ACADSB: variants seen among roughly 807,000 people sequenced by gnomAD.
ACADSB encodes the protein short/branched chain specific acyl-CoA dehydrogenase, mitochondrial.
ACADSB carries 40 observed loss-of-function variants against 54.1 expected under a neutral mutation model. The observed-to-expected ratio is 0.74, with a 90% CI of 0.57 to 0.96. ACADSB has a LOEUF of 0.96. ACADSB is among the 40% of genes least tolerant of loss of function. The pLI is 0.00. For missense variants in ACADSB, 530 were observed against 510.4 expected, an observed-to-expected ratio of 1.04 and a Z score of -0.37; for synonymous variants, 182 against 182.8, an observed-to-expected ratio of 1.00 and a Z score of 0.03.
intron 1 of ACADSB, among the ~76,000 whole-genome samples, chr10:123,027,382 C>T (rs1399217589): frequency 6.6e-6 from 1 of 152,144 alleles, no homozygotes; most frequent in Non-Finnish European, 1.5e-5. Context: ...CTAGAATTCT[C>T]GCATGTTGTG....
At chr10:123,039,523 A>T (rs1230845202) in intron 3 of ACADSB, among the ~76,000 whole-genome samples, 4 of 152,222 alleles carry the variant, frequency 2.6e-5, no homozygotes, top group Non-Finnish European at 5.9e-5. Context: ...CGTGTTTACC[A>T]GGCCCTCGTG....
At chr10:123,017,509 G>A (rs1850123319) in intron 1 of ACADSB, among the ~76,000 whole-genome samples, 1 of 152,136 alleles carries the variant, frequency 6.6e-6, no homozygotes, top group Non-Finnish European at 1.5e-5. Context: ...GTAGAGACAG[G>A]ATTTTACCAT....
At chr10:123,033,254 T>G (rs1850352515) in intron 1 of ACADSB, among the ~76,000 whole-genome samples, 1 of 152,194 alleles carries the variant, frequency 6.6e-6, no homozygotes, top group African/African-American at 2.4e-5. Context: ...CTGGCCAGTG[T>G]TTCTTGTTCC....
At chr10:123,017,088 A>G (rs568928270) in intron 1 of ACADSB, among the ~76,000 whole-genome samples, 1 of 152,274 alleles carries the variant, frequency 6.6e-6, no homozygotes, top group African/African-American at 2.4e-5. Flanking sequence ...ATCTTCCCTG[A>G]AAAAGAGGGT....
intron 8 of ACADSB, among the ~76,000 whole-genome samples, chr10:123,050,087 T>C (rs955404862): frequency 6.6e-6 from 1 of 152,234 alleles, no homozygotes; most frequent in African/African-American, 2.4e-5. Context: ...GTATCACATA[T>C]TTCAGAAAGA....
chr10:123,041,330 C>T lies in ACADSB; in HGVS notation c.632C>T (p.Ala211Val). The part of the protein sequence containing the change: ...LNGSKMWISS[A>V]EHAGLFLVMA... Reference sequence around the variant, plus strand: ...GGATCAAAGATGTGGATCAGCAGTGCTGAGCACGCAGGGCTCTTTCTGGTG... The same window carrying T: ...GGATCAAAGATGTGGATCAGCAGTGTTGAGCACGCAGGGCTCTTTCTGGTG... The change falls in exon 5 of 11, where the codon GCT becomes GTT. Residue 211 changes from alanine (A) to valine (V), a missense_variant. Physicochemically the swap from Ala to Val is moderately conservative, Grantham distance 64. Coordinates refer to ENST00000358776, the MANE Select transcript of ACADSB (RefSeq NM_001609.4). 1.2e-6 allele frequency: 2 copies of T among 1,614,214 alleles called. No homozygotes were observed. The highest frequency in any genetic ancestry group is 1.7e-6 in the Non-Finnish European group (2 of 1,180,036).
At chr10:123,026,313 A>G (rs543876677) in intron 1 of ACADSB, among the ~76,000 whole-genome samples, 4 of 152,344 alleles carry the variant, frequency 2.6e-5, no homozygotes, top group South Asian at 4.1e-4. Flanking sequence ...GCCTGTGTAA[A>G]TAAACCTTGT....
chr10:123,046,060 C>T (rs542313206), intron 7 of ACADSB, among the ~76,000 whole-genome samples: 9 of 152,076 alleles, frequency 5.9e-5, no homozygotes, highest in Admixed American at 4.6e-4. Flanking sequence ...TTTCAGTCTT[C>T]GTGTCAATAT....
intron 7 of ACADSB, among the ~76,000 whole-genome samples, chr10:123,045,151 ATATATATATATATATATATATTTTTT>A (rs1288583253): frequency 1.1e-4 from 1 of 8,922 alleles, no homozygotes; most frequent in African/African-American, 5.3e-4. Flanking sequence ...ATATATATAT[ATATATATATATATATATATATTTTTT>A]TTTTTTTTTT....
rs1015761859 is a variant in ACADSB at position 123,013,685 on chromosome 10, C to A, written c.42+4614C>A. ...AGCTAAGGCCTGGCTAGAAATCGAG[C>A]GCGGCGCCGGTGGGCCAGCACTGCT... is the stretch of plus-strand genomic sequence containing the variant. On this transcript the variant is annotated intron_variant, in intron 1 of 10. Coordinates refer to ENST00000358776, the MANE Select transcript of ACADSB (RefSeq NM_001609.4). 5.3e-5 allele frequency among the ~76,000 whole-genome samples: 8 copies of A among 152,364 alleles called. No homozygotes were observed. In the East Asian group the frequency reaches 1.4e-3, roughly 26 times the overall value.
intron 8 of ACADSB, 146 bp from the exon 9 acceptor site, chr10:123,050,903 T>C (rs1850621823): frequency 2.7e-6 from 2 of 749,588 alleles, no homozygotes; most frequent in East Asian, 5.6e-5. Context: ...GATTACTCAT[T>C]TTAAAGTATT....
chr10:123,052,771 C>T lies in ACADSB; in HGVS notation c.1129-290C>T, dbSNP rs1273383327. Reference sequence around the variant, plus strand: ...AGCTTGAAATGTCCCTTAGCTCGTCCGTTAGGCCCCCAGTAAACATTTCCT... The same window carrying T: ...AGCTTGAAATGTCCCTTAGCTCGTCTGTTAGGCCCCCAGTAAACATTTCCT... On this transcript the variant is annotated intron_variant, in intron 9 of 10. Transcript: ENST00000358776. The surrounding 1 kb of genome is among the most constrained non-coding windows in gnomAD (Gnocchi z 4.2). The T allele has an allele frequency of 4.5e-5, 18 of 399,364 alleles. No homozygotes were observed. The highest frequency in any genetic ancestry group is 3.6e-4 in the South Asian group (16 of 43,982). The allele number at this position is 399,364 out of a possible 1,614,324, so 24.7% of individuals were successfully genotyped here.
intron 3 of ACADSB, among the ~76,000 whole-genome samples, chr10:123,038,325 A>G (rs1850426101): frequency 6.6e-6 from 1 of 152,250 alleles, no homozygotes; most frequent in South Asian, 2.1e-4. Context: ...AGCATAGTTT[A>G]TATTCTACCT....
At chr10:123,051,841 A>T (rs1850637476) in intron 9 of ACADSB, among the ~76,000 whole-genome samples, 1 of 152,132 alleles carries the variant, frequency 6.6e-6, no homozygotes, top group Admixed American at 6.5e-5. Context: ...TGAATTCCAG[A>T]CTAACATGTC....
At chr10:123,023,607 C>G (rs188628131) in intron 1 of ACADSB, among the ~76,000 whole-genome samples, 51 of 152,248 alleles carry the variant, frequency 3.3e-4, no homozygotes, top group African/African-American at 1.2e-3. Context: ...GGCTGTGAAC[C>G]AAAACTGCGG....
At chr10:123,024,740 C>T (rs1300231824) in intron 1 of ACADSB, among the ~76,000 whole-genome samples, 2 of 152,208 alleles carry the variant, frequency 1.3e-5, no homozygotes, top group Non-Finnish European at 2.9e-5. Context: ...CCCAAGCAAG[C>T]AGCTCGTGGG....
chr10:123,021,465 C>T (rs1257591774), intron 1 of ACADSB, among the ~76,000 whole-genome samples: 1 of 152,174 alleles, frequency 6.6e-6, no homozygotes, highest in African/African-American at 2.4e-5. Context: ...CTTGTTCAAA[C>T]CTTTAGCTTT....
At chr10:123,029,897 T>C (rs905491043) in intron 1 of ACADSB, among the ~76,000 whole-genome samples, 1 of 152,184 alleles carries the variant, frequency 6.6e-6, no homozygotes, top group Non-Finnish European at 1.5e-5. Context: ...TTTCTCATAG[T>C]TCTGGAGAAT....
intron 7 of ACADSB, among the ~76,000 whole-genome samples, chr10:123,046,317 C>T (rs1435422632): frequency 6.6e-6 from 1 of 152,118 alleles, no homozygotes; most frequent in Non-Finnish European, 1.5e-5. Flanking sequence ...AAAGCTTTAG[C>T]TATTGATTTT....
Sources: allele counts gnomAD v4.1 joint callset (sites outside exome capture counted in the v4.1 genomes callset), GRCh38; gene constraint gnomAD v4.1.1; non-coding constraint Gnocchi (gnomAD v3.1); transcripts MANE v1.5; gene names NCBI Gene and HGNC (gene_info 2026-07-23, HGNC 2026-07-21).